IGFN1: variants seen among roughly 807,000 people sequenced by gnomAD.
IGFN1 encodes immunoglobulin like and fibronectin type III domain containing 1, also known as immunoglobulin-like and fibronectin type III domain-containing protein 1.
IGFN1 carries 253 observed loss-of-function variants against 289.5 expected under a neutral mutation model. The ratio of observed to expected loss-of-function variants is 0.87; its 90% CI spans 0.79 to 0.97. The LOEUF is 0.97. IGFN1 is among the 50% of genes least tolerant of loss of function. IGFN1 has a pLI of 0.00. For synonymous variants in IGFN1, 1,706 were observed against 1,788.5 expected (o/e 0.95, Z 1.16); for missense variants, 4,470 against 4,686.1 (o/e 0.95, Z 1.35).
chr1:201,224,629 T>G (rs905220055), intron 20 of IGFN1, 50 bp from the exon 21 acceptor site: 1 of 1,542,950 alleles, frequency 6.5e-7, no homozygotes, highest in Admixed American at 1.7e-5. Context: ...ATCACCTCCA[T>G]GAAACTGCCA....
chr1:201,202,007 C>T (rs1171122762), intron 9 of IGFN1, among the ~76,000 whole-genome samples, 175 bp downstream of exon 9: 1 of 152,140 alleles, frequency 6.6e-6, no homozygotes. Flanking sequence ...TGGTGTAGAC[C>T]ATCCATCCAC....
Position 201,216,686 on chromosome 1 carries a change from G to A in IGFN1, c.9528G>A (p.Val3176=). 2 of 1,613,996 alleles carry A rather than the reference G, an allele frequency of 1.2e-6. No homozygotes were observed. Among genetic ancestry groups the A allele is most frequent in the Non-Finnish European group, 1.7e-6 (2 of 1,179,966 alleles). ...CAGGCAGGAAGTATACCTTCCGAGTGCGGGCTGTGACCTCAGAGGGGGCTG... is the reference window on the plus strand; with the variant it reads ...CAGGCAGGAAGTATACCTTCCGAGTACGGGCTGTGACCTCAGAGGGGGCTG... The part of the protein sequence containing the change: ...VEPGRKYTFR[V]RAVTSEGAGE... Residue 3176 remains valine, a synonymous_variant, in exon 16 of 24, where the codon GTG becomes GTA. Coordinates refer to ENST00000335211, the MANE Select transcript of IGFN1 (RefSeq NM_001164586.2).
At chr1:201,226,255 C>G in intron 22 of IGFN1, 132 bp downstream of exon 22, 1 of 1,044,454 alleles carries the variant, frequency 9.6e-7, no homozygotes, top group South Asian at 1.9e-5. Context: ...TGCCAAATAA[C>G]AGCCAGCAGC....
rs1212339973 is a variant in IGFN1, at chr1:201,208,764, G to C, written c.3871G>C (p.Asp1291His). The change falls in exon 12 of 24, where the codon GAT becomes CAT. Residue 1291 changes from aspartate (D) to histidine (H), a missense_variant. By Grantham distance (81) the Asp-to-His change is moderately conservative (BLOSUM62 -1). Coordinates refer to ENST00000335211, the MANE Select transcript of IGFN1 (RefSeq NM_001164586.2). ...GSVDKEGYKK[D>H]LGAPENMGSG... ...AGTGGATAAGGAAGGTTATAAGAAA[G>C]ATTTGGGGGCTCCTGAGAATATGGG... The C allele has an allele frequency of 6.5e-7, 1 of 1,536,750 alleles. No individual in the cohort carries two copies. Among genetic ancestry groups the C allele is most frequent in the Non-Finnish European group, 8.7e-7 (1 of 1,146,772 alleles).
Position 201,210,904 on chromosome 1 carries a change from C to A in IGFN1, c.6011C>A (p.Ala2004Asp). 1.3e-6 allele frequency: 2 copies of A among 1,518,496 alleles called. No individual in the cohort carries two copies. The highest frequency in any genetic ancestry group is 8.8e-7 in the Non-Finnish European group (1 of 1,139,730). The allele number at this position is 1,518,496 out of a possible 1,614,324, so 94.1% of individuals were successfully genotyped here. The change falls in exon 12 of 24, where the codon GCT becomes GAT. Residue 2004 changes from alanine (A) to aspartate (D), a missense_variant. By Grantham distance (126) the Ala-to-Asp change is moderately radical. This residue lies in a region of IGFN1 where 108 missense variants were observed against 128.7 expected (regional missense o/e 0.84). Coordinates refer to ENST00000335211, the MANE Select transcript of IGFN1 (RefSeq NM_001164586.2). Reference protein sequence around the residue: ...DEAGYRKDLGAPEGIGSGSKA... With the variant: ...DEAGYRKDLGDPEGIGSGSKA... ...GCAGGTTATAGGAAGGATTTGGGGG[C>A]TCCTGAGGGAATAGGTTCAGGGAGT... is the stretch of plus-strand genomic sequence containing the variant.
intron 18 of IGFN1, among the ~76,000 whole-genome samples, chr1:201,219,953 C>G (rs974592254): frequency 8.6e-6 from 1 of 116,328 alleles, no homozygotes; most frequent in East Asian, 2.8e-4. Context: ...CCTTCTTTCT[C>G]TCTCTCCTTC....
chr1:201,197,282 A>C lies in IGFN1; in HGVS notation c.332A>C (p.Glu111Ala). The change falls in exon 5 of 24, where the codon GAG becomes GCG. Residue 111 changes from glutamate to alanine, a missense_variant. By Grantham distance (107) the Glu-to-Ala change is moderately radical. Coordinates refer to ENST00000335211, the MANE Select transcript of IGFN1 (RefSeq NM_001164586.2). ...TGCACAGCAGTAAATGCGTACGGAG[A>C]GGCCGCTTGCTCAGTGAGACTCACT... ...YRCTAVNAYG[E>A]AACSVRLTVI... The C allele has an allele frequency of 1.3e-6, 2 of 1,551,510 alleles. No homozygotes were observed. Among genetic ancestry groups the C allele is most frequent in the Non-Finnish European group, 1.7e-6 (2 of 1,146,852 alleles).
At chr1:201,213,889 C>G (rs993427697) in intron 12 of IGFN1, among the ~76,000 whole-genome samples, 1 of 152,204 alleles carries the variant, frequency 6.6e-6, no homozygotes, top group Non-Finnish European at 1.5e-5. Flanking sequence ...GTTGTTGACC[C>G]AACTCTCTGT....
chr1:201,194,533 G>A (rs1336448112), intron 3 of IGFN1, among the ~76,000 whole-genome samples: 2 of 152,182 alleles, frequency 1.3e-5, no homozygotes, highest in Admixed American at 6.5e-5. Flanking sequence ...TGGGGGGCAG[G>A]GATGGAAAAA....
Position 201,213,033 on chromosome 1 carries a change from G to A in IGFN1, c.8140G>A (p.Gly2714Ser), listed in dbSNP as rs907284663. 6 of 1,551,612 alleles carry A rather than the reference G, an allele frequency of 3.9e-6. No individual in the cohort carries two copies. The highest frequency in any genetic ancestry group is 4.4e-6 in the Non-Finnish European group (5 of 1,146,968). The change falls in exon 12 of 24, where the codon GGC (glycine) becomes AGC (serine). Residue 2714 changes from glycine (G) to serine (S), a missense_variant. Transcript: ENST00000335211. ...TGATGCAGAGGACTCAGGTATCCTG[G>A]GCAAGGGGAATTCTACTGAGTGGGG... ...SVDAEDSGIL[G>S]KGNSTEWGNA...
rs747137768 is a variant in IGFN1, at chr1:201,206,221, G to C, written c.1328G>C (p.Gly443Ala). 3.2e-6 allele frequency: 5 copies of C among 1,547,886 alleles called. No individual in the cohort carries two copies. The highest frequency in any genetic ancestry group is 2.0e-5 in the Admixed American group (1 of 50,474). The change falls in exon 12 of 24, where the codon GGC (glycine) becomes GCC (alanine). Residue 443 changes from glycine (G) to alanine (A), a missense_variant. Physicochemically the swap from Gly to Ala is moderately conservative, Grantham distance 60. Coordinates refer to ENST00000335211, the MANE Select transcript of IGFN1 (RefSeq NM_001164586.2). ...TCCAGAGAGCAGGGCCCCAGGGGGG[G>C]CTCCCTTGAAGGGGCTGGGCCGGCT... ...EKSREQGPRG[G>A]SLEGAGPASG...
At chr1:201,193,351 C>CACTTCTCTCCTCTCTGTCCTGGTA in intron 2 of IGFN1, 51 bp downstream of exon 2, 2 of 1,419,216 alleles carry the variant, frequency 1.4e-6, no homozygotes, top group Non-Finnish European at 9.8e-7. Context: ...CGATCCTTAC[C>CACTTCTCTCCTCTCTGTCCTGGTA]AGGACAGAGA....
In IGFN1 at chr1:201,227,213, T is replaced by C; in HGVS notation, c.11113+5T>C. 1 of 1,564,000 alleles carries C rather than the reference T, an allele frequency of 6.4e-7. No homozygotes were observed. Among genetic ancestry groups the C allele is most frequent in the Non-Finnish European group, 8.7e-7 (1 of 1,152,536 alleles). The stretch of plus-strand genomic sequence containing the variant: ...CTGCCACCCTCATTGTCATAGGTAA[T>C]GGTGGCTGCCCTGGCAGTGGGGCAG... On this transcript the variant is annotated splice_donor_5th_base_variant and intron_variant, in intron 23 of 23. Transcript: ENST00000335211.
Position 201,212,423 on chromosome 1 carries a change from G to T in IGFN1, c.7530G>T (p.Arg2510Ser). Reference protein sequence around the residue: ...PGSSRDRGAPRVKDRSPDQAG... With the variant: ...PGSSRDRGAPSVKDRSPDQAG... ...CTTCTAGAGACAGAGGGGCTCCCAG[G>T]GTGAAGGATAGGTCTCCAGACCAAG... The change falls in exon 12 of 24, where the codon AGG becomes AGT. Residue 2510 changes from arginine (R) to serine (S), a missense_variant. Arg to Ser is a moderately radical substitution (Grantham distance 110). Around this residue, in one of 8 missense-constraint regions of IGFN1, gnomAD observed 2,218 missense variants for 2,114.1 expected, o/e 1.05. Coordinates refer to ENST00000335211, the MANE Select transcript of IGFN1 (RefSeq NM_001164586.2). 1 of 1,537,132 alleles carries T rather than the reference G, an allele frequency of 6.5e-7. No homozygotes were observed. Among genetic ancestry groups the T allele is most frequent in the Non-Finnish European group, 8.7e-7 (1 of 1,146,814 alleles).
intron 21 of IGFN1, 75 bp from the exon 22 acceptor site, chr1:201,225,749 T>G (rs1298762321): frequency 2.2e-6 from 3 of 1,378,548 alleles, no homozygotes; most frequent in Non-Finnish European, 2.9e-6. Flanking sequence ...TCAGAAGTCC[T>G]GGGACCTGGA....
At position 201,216,462 on chromosome 1, in the gene IGFN1, G is replaced by A; in HGVS notation, c.9304G>A (p.Asp3102Asn). Residue 3102 changes from aspartate to asparagine, a missense_variant, in exon 16 of 24, where the codon GAT (aspartate) becomes AAT (asparagine). Asp to Asn is a conservative substitution (Grantham distance 23). Around this residue, in one of 8 missense-constraint regions of IGFN1, gnomAD observed 2,218 missense variants for 2,114.1 expected, o/e 1.05. Coordinates refer to ENST00000335211, the MANE Select transcript of IGFN1 (RefSeq NM_001164586.2). ...TCTCTGTGGGTCCCCAGACAAGCCT[G>A]ATCCCCCACAAGGCCCCATGGAGGT... The part of the protein sequence containing the change: ...ELTLQVIDKP[D>N]PPQGPMEVQD... 2 of 1,566,076 alleles carry A rather than the reference G, an allele frequency of 1.3e-6. No homozygotes were observed. The highest frequency in any genetic ancestry group is 2.3e-5 in the South Asian group (2 of 85,784).
intron 21 of IGFN1, among the ~76,000 whole-genome samples, chr1:201,225,453 C>T (rs1815136): frequency 0.61 from 93,327 of 151,822 alleles, 31,750 homozygotes; most frequent in East Asian, 0.83. Flanking sequence ...ATTAGCCGAG[C>T]GTGGTGGTGG....
chr1:201,201,674 G>C (rs1193793581), intron 8 of IGFN1, 45 bp from the exon 9 acceptor site: 1 of 1,049,878 alleles, frequency 9.5e-7, no homozygotes, highest in African/African-American at 1.6e-5. Flanking sequence ...ACCCCGAAGA[G>C]AGAGCTTCAT....
intron 20 of IGFN1, among the ~76,000 whole-genome samples, chr1:201,224,111 G>A (rs539027473): frequency 7.2e-5 from 11 of 152,172 alleles, no homozygotes; most frequent in African/African-American, 1.7e-4. Context: ...TGAGGGCCCC[G>A]TAGGGAGTTG....
Sources: gnomAD v4.1 joint callset for allele counts (sites outside exome capture counted in the v4.1 genomes callset) on GRCh38, gnomAD v4.1.1 for gene constraint, gnomAD v4.1.1 regional missense constraint, MANE v1.5 for transcripts, NCBI Gene and HGNC (gene_info 2026-07-23, HGNC 2026-07-21) for gene names.